Variants in BRF1 observed in about 807,000 individuals in gnomAD.
BRF1 encodes the protein transcription factor IIIB 90 kDa subunit.
A neutral mutation model predicts 81.7 loss-of-function variants in BRF1; 59 were observed. The ratio of observed to expected loss-of-function variants is 0.72; its 90% confidence interval spans 0.59 to 0.90. BRF1 has a LOEUF of 0.90. BRF1 is among the 40% of genes least tolerant of loss of function. The probability of loss-of-function intolerance (pLI) is 0.00; values close to 1 mark genes in which losing one functional copy is unlikely to be tolerated. For synonymous variants in BRF1, 491 were observed against 395.6 expected (o/e 1.24, Z -2.86); for missense variants, 1,050 against 936.3 (o/e 1.12, Z -1.58).
At chr14:105,286,663 T>C (rs1471130195) in intron 1 of BRF1, among the ~76,000 whole-genome samples, 1 of 152,082 alleles carries the variant, frequency 6.6e-6, no homozygotes, top group Non-Finnish European at 1.5e-5. Context: ...TGGAGTGCAG[T>C]GGTCCCATCT....
chr14:105,221,199 A>G (rs10400759), intron 11 of BRF1, among the ~76,000 whole-genome samples: 61,180 of 152,088 alleles, frequency 0.4, 16,125 homozygotes, highest in African/African-American at 0.75. Flanking sequence ...CAAATGGGCA[A>G]GGTGAGGGGG....
chr14:105,301,593 A>G (rs1406576924), upstream of BRF1, among the ~76,000 whole-genome samples: 1 of 152,040 alleles, frequency 6.6e-6, no homozygotes, highest in Non-Finnish European at 1.5e-5. Context: ...CGCCCTCCGC[A>G]TTTGCGGCGT....
Position 105,315,084 on chromosome 14 carries a change from G to C in BRF1, c.-162+238C>G. ...TTGTTCCCGCCGGGCACCTGCTGGG[G>C]GTGTCCTGGCCGCGGCCTCTGCGCG... On this transcript the variant is annotated intron_variant, in intron 1 of 17. Transcript: ENST00000327359. This position sits in a 1 kb window ranked among gnomAD's most constrained non-coding sequence, Gnocchi z 4.4. 7 of 1,072,622 alleles carry C rather than the reference G, an allele frequency of 6.5e-6. No individual in the cohort carries two copies. Among genetic ancestry groups the C allele is most frequent in the Non-Finnish European group, 8.0e-6 (7 of 879,562 alleles). 66.4% of individuals were successfully genotyped at this position (1,072,622 alleles called of 1,614,324 possible).
chr14:105,290,882 C>T (rs1435984986), intron 1 of BRF1, among the ~76,000 whole-genome samples: 1 of 151,930 alleles, frequency 6.6e-6, no homozygotes, highest in African/African-American at 2.4e-5. Flanking sequence ...CTTCTGCTTG[C>T]CTCACACCCT....
chr14:105,303,532 C>G (rs759442529), upstream of BRF1, among the ~76,000 whole-genome samples: 3 of 152,200 alleles, frequency 2.0e-5, no homozygotes, highest in Non-Finnish European at 4.4e-5. Flanking sequence ...CGTGAGCCAT[C>G]GCGCCTGGCC....
chr14:105,217,640 G>A lies in BRF1; in HGVS notation c.1676C>T (p.Ala559Val), dbSNP rs34104348. Reference protein sequence around the residue: ...AGGGSPHREDAQPEHSASARK... With the variant: ...AGGGSPHREDVQPEHSASARK... ...GGCACTGGCGCTATGCTCGGGCTGT[G>A]CATCCTCCCTGTGCGGACTGCCCCC... The change falls in exon 15 of 18, where the codon GCA (alanine) becomes GTA (valine). Residue 559 changes from alanine to valine, a missense_variant. This residue lies in a region of BRF1 where 1,043 missense variants were observed against 915.4 expected (regional missense o/e 1.14). Coordinates refer to ENST00000547530, the MANE Select transcript of BRF1 (RefSeq NM_001519.4). 60 of 1,613,158 alleles carry A rather than the reference G, an allele frequency of 3.7e-5. No individual in the cohort carries two copies. Among genetic ancestry groups the A allele is most frequent in the Non-Finnish European group, 5.0e-5 (59 of 1,180,008 alleles).
At chr14:105,288,041 C>T (rs1049228341) in intron 1 of BRF1, among the ~76,000 whole-genome samples, 1 of 152,238 alleles carries the variant, frequency 6.6e-6, no homozygotes, top group Non-Finnish European at 1.5e-5. Context: ...AGGCCTCCAA[C>T]AAAGGTGGTG....
Position 105,286,349 on chromosome 14 carries a change from C to T in BRF1, c.212G>A (p.Gly71Asp), listed in dbSNP as rs1205387915. Residue 71 changes from glycine (G) to aspartate (D), a missense_variant, in exon 2 of 18, where the codon GGC (glycine) becomes GAC (aspartate). Physicochemically the swap from Gly to Asp is moderately conservative, Grantham distance 94. Transcript: ENST00000547530. ...CTTCCCCAGATTCACGTGGAAGCCG[C>T]CACCCAGAGTCGGGGTTTTGCCAGC... The part of the protein sequence containing the change: ...DGAGKTPTLG[G>D]GFHVNLGKES... The T allele has an allele frequency of 6.2e-6, 10 of 1,613,678 alleles. No homozygotes were observed. Among genetic ancestry groups the T allele is most frequent in the Non-Finnish European group, 8.5e-6 (10 of 1,179,878 alleles).
At chr14:105,259,877 A>C (rs1049024666) in intron 3 of BRF1, among the ~76,000 whole-genome samples, 1 of 152,154 alleles carries the variant, frequency 6.6e-6, no homozygotes, top group Admixed American at 6.5e-5. Context: ...ACCATACTGC[A>C]CTCAGCCTGG....
chr14:105,295,314 A>G, intron 1 of BRF1, among the ~76,000 whole-genome samples: 1 of 151,458 alleles, frequency 6.6e-6, no homozygotes, highest in African/African-American at 2.4e-5. Flanking sequence ...AAAAAAAAAA[A>G]AAAAAAAAAA....
At chr14:105,257,899 G>C (rs1433839505) in intron 3 of BRF1, among the ~76,000 whole-genome samples, 1 of 152,200 alleles carries the variant, frequency 6.6e-6, no homozygotes, top group Non-Finnish European at 1.5e-5. Flanking sequence ...AAGGCAGGGT[G>C]GGTGGGCCGA....
At chr14:105,268,914 C>G (rs902854459) in intron 3 of BRF1, among the ~76,000 whole-genome samples, 8 of 152,208 alleles carry the variant, frequency 5.3e-5, no homozygotes, top group African/African-American at 1.7e-4. Flanking sequence ...TGCACACACC[C>G]TCTCCTGGGT....
intron 5 of BRF1, among the ~76,000 whole-genome samples, chr14:105,244,774 A>T (rs1014780108): frequency 2.0e-5 from 3 of 152,192 alleles, no homozygotes; most frequent in Non-Finnish European, 4.4e-5. Flanking sequence ...CTTAAGACAC[A>T]TCACCATAGA....
intron 4 of BRF1, among the ~76,000 whole-genome samples, chr14:105,253,532 C>T (rs920738910): frequency 2.0e-5 from 3 of 152,372 alleles, no homozygotes; most frequent in African/African-American, 7.2e-5. Context: ...CCGCCAGTGG[C>T]ACTTCCAGGT....
chr14:105,250,017 C>G lies in BRF1; in HGVS notation c.544+2490G>C, dbSNP rs137857567. 1.2e-6 allele frequency: 2 copies of G among 1,612,776 alleles called. No individual in the cohort carries two copies. Among genetic ancestry groups the G allele is most frequent in the Admixed American group, 3.3e-5 (2 of 60,014 alleles). ...TGCAAGAGGCAGGGGCTGCCAATCA[C>G]CCCACGAAACAAGAGGCATGTTCTG... On this transcript the variant is annotated intron_variant, in intron 5 of 17. Transcript: ENST00000547530.
At position 105,212,154 on chromosome 14, in the gene BRF1, G is replaced by C; in HGVS notation, c.1783C>G (p.Leu595Val). Residue 595 changes from leucine to valine, a missense_variant, in exon 16 of 18, where the codon CTG (leucine) becomes GTG (valine). Coordinates refer to ENST00000547530, the MANE Select transcript of BRF1 (RefSeq NM_001519.4). ...VTSVGKRLRP[L>V]VSTQPAKKVA... is the part of the protein sequence containing the mutation. ...TTCTTTGCTGGCTGCGTAGACACCA[G>C]AGGCCTCAACCTGCAAAAGGAAGCA... The C allele has an allele frequency of 6.2e-7, 1 of 1,612,446 alleles. No individual in the cohort carries two copies. The highest frequency in any genetic ancestry group is 8.5e-7 in the Non-Finnish European group (1 of 1,179,536).
upstream of BRF1, among the ~76,000 whole-genome samples, chr14:105,305,660 T>C (rs1015290669): frequency 6.6e-6 from 1 of 152,188 alleles, no homozygotes; most frequent in Admixed American, 6.5e-5. Context: ...GCATAAAGAA[T>C]GGAGCCAGGT....
At chr14:105,223,224 T>C (rs1237761581) in intron 10 of BRF1, among the ~76,000 whole-genome samples, 1 of 152,110 alleles carries the variant, frequency 6.6e-6, no homozygotes, top group Non-Finnish European at 1.5e-5. Context: ...ACACTTGCCT[T>C]TCACATAACC....
chr14:105,218,552 C>T (rs587650666), intron 14 of BRF1, among the ~76,000 whole-genome samples: 1 of 152,328 alleles, frequency 6.6e-6, no homozygotes, highest in South Asian at 2.1e-4. Context: ...GAGGCTCAAC[C>T]ACTGCTGCCT....
Sources: gnomAD v4.1 joint callset for allele counts (sites outside exome capture counted in the v4.1 genomes callset) on GRCh38, gnomAD v4.1.1 for gene constraint, gnomAD v4.1.1 regional missense constraint, Gnocchi (gnomAD v3.1) non-coding constraint, MANE v1.5 for transcripts, NCBI Gene and HGNC (gene_info 2026-07-23, HGNC 2026-07-21) for gene names.